Variants in EAF2 observed in about 807,000 individuals in gnomAD.
EAF2 encodes the protein ELL-associated factor 2.
In EAF2, 29 loss-of-function variants were observed where a neutral mutation model predicts 29.4. The observed-to-expected ratio is 0.99, with a 90% CI of 0.73 to 1.35. The LOEUF (loss-of-function observed/expected upper bound fraction) is 1.35, where lower values mean the gene tolerates loss of function less well. Among genes scored for constraint, EAF2 ranks in the 40% most tolerant of loss-of-function variants. EAF2 has a pLI of 0.00. For synonymous variants in EAF2, 103 were observed against 102.5 expected (o/e 1.00, Z -0.03); for missense variants, 292 against 312.0 (o/e 0.94, Z 0.48).
chr3:121,860,385 T>G, intron 4 of EAF2, among the ~76,000 whole-genome samples: 1 of 152,148 alleles, frequency 6.6e-6, no homozygotes. Flanking sequence ...ATTTCTTCCT[T>G]GTTTATTCTT....
At chr3:121,880,455 G>GGTGTGTGTGTGTGT (rs58834177) in intron 5 of EAF2, among the ~76,000 whole-genome samples, 12 of 142,962 alleles carry the variant, frequency 8.4e-5, no homozygotes, top group African/African-American at 2.9e-4. Context: ...AGTGTTTTGG[G>GGTGTGTGTGTGTGT]GTGTGTGTGT....
intron 2 of EAF2, among the ~76,000 whole-genome samples, chr3:121,844,952 A>G (rs1708497135): frequency 6.6e-6 from 1 of 152,198 alleles, no homozygotes; most frequent in African/African-American, 2.4e-5. Context: ...AGTAGAAGCA[A>G]ATACTCTGCC....
intron 3 of EAF2, among the ~76,000 whole-genome samples, chr3:121,856,333 T>A (rs563242407): frequency 6.6e-6 from 1 of 151,016 alleles, no homozygotes; most frequent in African/African-American, 2.4e-5. Flanking sequence ...TTTTTTTTTT[T>A]GGTTGTTGTT....
At chr3:121,883,001 A>G (rs991654700) in intron 5 of EAF2, among the ~76,000 whole-genome samples, 2 of 152,074 alleles carry the variant, frequency 1.3e-5, no homozygotes, top group East Asian at 1.9e-4. Context: ...GTGTACATAC[A>G]TCTTTGAAAA....
chr3:121,839,959 T>A (rs572949301), intron 1 of EAF2, among the ~76,000 whole-genome samples: 1 of 151,532 alleles, frequency 6.6e-6, no homozygotes, highest in Non-Finnish European at 1.5e-5. Context: ...TTTGGGAGGC[T>A]GAGGAGGATG....
chr3:121,844,756 G>T (rs1307627429), intron 2 of EAF2, among the ~76,000 whole-genome samples: 2 of 151,992 alleles, frequency 1.3e-5, no homozygotes, highest in Non-Finnish European at 2.9e-5. Flanking sequence ...CATAGCAAAT[G>T]ATTTGAAAAA....
chr3:121,842,306 T>G (rs1161739527), intron 1 of EAF2, among the ~76,000 whole-genome samples: 1 of 152,228 alleles, frequency 6.6e-6, no homozygotes, highest in East Asian at 1.9e-4. Context: ...GTTACTTCAT[T>G]TATACTGTAT....
intron 3 of EAF2, among the ~76,000 whole-genome samples, chr3:121,855,540 G>C (rs912864420): frequency 2.0e-5 from 3 of 152,112 alleles, no homozygotes; most frequent in Non-Finnish European, 2.9e-5. Context: ...AGGATCCTGG[G>C]AAACTCTATT....
In EAF2 at chr3:121,835,377, T is replaced by C. The variant is rs1164975328; in HGVS notation, c.92T>C (p.Phe31Ser). Residue 31 changes from phenylalanine to serine, a missense_variant, in exon 1 of 6, where the codon TTC (phenylalanine) becomes TCC (serine). By Grantham distance (155) the Phe-to-Ser change is radical. Transcript: ENST00000273668. ...TTCGAGAAGCAGCCGCGCTGCGCCT[T>C]CCACACTGTGCGCTGTGAGTGAGGA... Reference protein sequence around the residue: ...ESFEKQPRCAFHTVRYDFKPA... With the variant: ...ESFEKQPRCASHTVRYDFKPA... 1.9e-6 allele frequency: 3 copies of C among 1,613,968 alleles called. No homozygotes were observed. Among genetic ancestry groups the C allele is most frequent in the Non-Finnish European group, 2.5e-6 (3 of 1,179,898 alleles).
At chr3:121,846,189 C>T (rs140796741) in intron 2 of EAF2, among the ~76,000 whole-genome samples, 106 of 152,122 alleles carry the variant, frequency 7.0e-4, no homozygotes, top group African/African-American at 2.3e-3. Context: ...CATCTGCTGT[C>T]TTTTTCTTAT....
chr3:121,844,876 G>T (rs765190756), intron 2 of EAF2, among the ~76,000 whole-genome samples: 3 of 152,084 alleles, frequency 2.0e-5, no homozygotes, highest in Non-Finnish European at 4.4e-5. Flanking sequence ...ATCTTTTATA[G>T]CAGACAGACA....
Position 121,872,760 on chromosome 3 carries a change from C to T in EAF2, c.708C>T (p.Asp236=). Residue 236 remains aspartate, a synonymous_variant, in exon 5 of 6, where the codon GAC becomes GAT. Coordinates refer to ENST00000273668, the MANE Select transcript of EAF2 (RefSeq NM_018456.6). Reference sequence around the variant, plus strand: ...ATGCCAGTCATAATAGATTTCGAGACAACAGTGGCCTTCTGATGAATACTT... The same window carrying T: ...ATGCCAGTCATAATAGATTTCGAGATAACAGTGGCCTTCTGATGAATACTT... The part of the protein sequence containing the change: ...DIDASHNRFR[D]NSGLLMNTLR... 1.9e-6 allele frequency: 3 copies of T among 1,611,848 alleles called. No individual in the cohort carries two copies. Among genetic ancestry groups the T allele is most frequent in the Non-Finnish European group, 2.5e-6 (3 of 1,178,712 alleles).
chr3:121,880,373 C>A (rs993296610), intron 5 of EAF2, among the ~76,000 whole-genome samples: 1 of 151,684 alleles, frequency 6.6e-6, no homozygotes, highest in East Asian at 1.9e-4. Flanking sequence ...GAACTCCTGG[C>A]CCCAGGCAGT....
intron 4 of EAF2, among the ~76,000 whole-genome samples, chr3:121,863,389 C>A (rs1332309748): frequency 6.6e-6 from 1 of 152,200 alleles, no homozygotes; most frequent in African/African-American, 2.4e-5. Context: ...CTACTCAAGT[C>A]TCAGCAATGG....
intron 4 of EAF2, among the ~76,000 whole-genome samples, chr3:121,865,574 G>A (rs1342664106): frequency 6.6e-6 from 1 of 152,044 alleles, no homozygotes; most frequent in Non-Finnish European, 1.5e-5. Context: ...AGGTGCAGTG[G>A]CTTACACCTG....
intron 1 of EAF2, among the ~76,000 whole-genome samples, chr3:121,840,510 A>AC (rs1708396874): frequency 3.6e-5 from 2 of 55,360 alleles, no homozygotes; most frequent in South Asian, 4.4e-4. Flanking sequence ...AAAAAAAAAG[A>AC]AAAAAAAAAA....
chr3:121,855,651 A>C (rs2107517688), intron 3 of EAF2, among the ~76,000 whole-genome samples: 1 of 152,324 alleles, frequency 6.6e-6, no homozygotes, highest in East Asian at 1.9e-4. Context: ...GGAGATGAGA[A>C]TGTAAGACAA....
chr3:121,850,129 A>G (rs913969915), intron 2 of EAF2, among the ~76,000 whole-genome samples: 1 of 151,600 alleles, frequency 6.6e-6, no homozygotes, highest in Non-Finnish European at 1.5e-5. Flanking sequence ...TTAATATAGT[A>G]TGCTGTTTTA....
At chr3:121,844,400 A>G in intron 1 of EAF2, 53 bp from the exon 2 acceptor site, 3 of 1,087,816 alleles carry the variant, frequency 2.8e-6, no homozygotes, top group Non-Finnish European at 4.1e-6. Flanking sequence ...CATAATTTTT[A>G]TATCCAAATA....
Sources: allele counts gnomAD v4.1 joint callset (sites outside exome capture counted in the v4.1 genomes callset), GRCh38; gene constraint gnomAD v4.1.1; transcripts MANE v1.5; gene names NCBI Gene and HGNC (gene_info 2026-07-23, HGNC 2026-07-21).